FAM153A: variants seen among roughly 807,000 people sequenced by gnomAD.
FAM153A encodes the protein family with sequence similarity 153 member A, also known as protein FAM153A.
FAM153A carries 12 observed loss-of-function variants against 48.1 expected under a neutral mutation model. That is an observed-to-expected ratio of 0.25 (90% CI 0.16 to 0.40). The LOEUF is 0.40. Ranked by LOEUF, FAM153A falls within the 10% of genes least tolerant of loss-of-function variation. FAM153A has a pLI of 1.00. For synonymous variants in FAM153A, 36 were observed against 118.2 expected (o/e 0.30, Z 4.51); for missense variants, 111 against 345.8 (o/e 0.32, Z 5.38).
At chr5:177,711,027 G>A (rs1044576741), downstream of FAM153A, 25 of 151,808 alleles carry the variant, frequency 1.6e-4, no homozygotes, top group Non-Finnish European at 2.8e-4. Flanking sequence ...TCTGAGAAAA[G>A]AAAAAGTTCT....
chr5:177,760,780 GGCAGGCT>G (rs1320283578), intron 1 of FAM153A, among the ~76,000 whole-genome samples: 1 of 91,836 alleles, frequency 1.1e-5, no homozygotes, highest in Non-Finnish European at 2.1e-5. Context: ...GGCAGAAGCT[GGCAGGCT>G]ACAGAAGAGG....
Position 177,716,964 on chromosome 5 carries a change from AGTGTGTGTGTGTGTGT to A in FAM153A, c.*1151+183_*1151+198del, listed in dbSNP as rs59312087. ...CAGTAGCATGCCACCATTCCCGCTT[AGTGTGTGTGTGTGTGT>A]GTGTGTGTGTGTGTGTGTGTAGAGT... On this transcript the variant is annotated intron_variant and NMD_transcript_variant, in intron 24 of 26. Coordinates refer to the FAM153A transcript ENST00000360669. Among the ~76,000 whole-genome samples, 215 of 127,734 alleles carry A rather than the reference AGTGTGTGTGTGTGTGT, an allele frequency of 1.7e-3. 5 individuals are homozygous for A. The highest frequency in any genetic ancestry group is 6.4e-3 in the African/African-American group (210 of 32,840). 83.8% of individuals were successfully genotyped at this position (127,734 alleles called of 152,430 possible).
At chr5:177,698,501 G>T in the FAM153A span, among the ~76,000 whole-genome samples, 1 of 151,782 alleles carries the variant, frequency 6.6e-6, no homozygotes, top group Non-Finnish European at 1.5e-5. Flanking sequence ...GCCTGCTTCA[G>T]ACTTGCTTAT....
Position 177,739,494 on chromosome 5 carries a change from T to A in FAM153A, c.537+106A>T, listed in dbSNP as rs571756205. ...TCCCACCAAGAAATTCTGTAAGTCATCTAAAATGTACATGGCAGTAAGATT... is the reference window on the plus strand; with the variant it reads ...TCCCACCAAGAAATTCTGTAAGTCAACTAAAATGTACATGGCAGTAAGATT... On this transcript the variant is annotated intron_variant, in intron 9 of 20. Coordinates refer to ENST00000614127, the Ensembl canonical transcript of FAM153A. 7 of 1,154,804 alleles carry A rather than the reference T, an allele frequency of 6.1e-6. 3 individuals carry two copies. In the African/African-American group the frequency reaches 1.1e-4, roughly 18 times the overall value. 71.5% of individuals were successfully genotyped at this position (1,154,804 alleles called of 1,614,324 possible).
chr5:177,707,145 G>A (rs1757948495), downstream of FAM153A, among the ~76,000 whole-genome samples: 2 of 151,830 alleles, frequency 1.3e-5, no homozygotes, highest in Admixed American at 6.6e-5. Context: ...AGGCAGAAAA[G>A]TAACAAAGAC....
At chr5:177,716,853 C>T (rs965107982) in intron 24 of FAM153A, among the ~76,000 whole-genome samples, 3 of 151,682 alleles carry the variant, frequency 2.0e-5, no homozygotes, top group Non-Finnish European at 2.9e-5. Flanking sequence ...GGCTGGAGTA[C>T]AGTGGCACAA....
intron 14 of FAM153A, among the ~76,000 whole-genome samples, 191 bp downstream of exon 16, chr5:177,734,189 C>T (rs1414936326): frequency 8.7e-6 from 1 of 115,288 alleles, no homozygotes; most frequent in Non-Finnish European, 1.9e-5. Context: ...AACACAGCTG[C>T]TCCCGGGGAC....
At chr5:177,716,050 C>G (rs957346967) in intron 25 of FAM153A, among the ~76,000 whole-genome samples, 4 of 149,068 alleles carry the variant, frequency 2.7e-5, no homozygotes, top group African/African-American at 1.0e-4. Context: ...GTGGCGCAAT[C>G]TTAGCTCACT....
Position 177,769,463 on chromosome 5 carries a change from T to C in FAM153A, c.-57+10986A>G, listed in dbSNP as rs1368183392. Among the ~76,000 whole-genome samples the C allele has an allele frequency of 2.1e-5, 2 of 96,254 alleles. 1 individual carries two copies. The highest frequency in any genetic ancestry group is 0.01 in the Middle Eastern group (2 of 196). The allele number at this position is 96,254 out of a possible 152,430, so 63.1% of individuals were successfully genotyped here. Reference sequence around the variant, plus strand: ...GGGTGTCTTAGAACGTTATCTCCCATAGTTAATGGGGAACTACTGCACTTA... The same window carrying C: ...GGGTGTCTTAGAACGTTATCTCCCACAGTTAATGGGGAACTACTGCACTTA... On this transcript the variant is annotated intron_variant, in intron 1 of 8. Transcript: ENST00000393518.
At chr5:177,707,079 C>CA (rs1757944423), downstream of FAM153A, among the ~76,000 whole-genome samples, 1 of 151,914 alleles carries the variant, frequency 6.6e-6, no homozygotes, top group Non-Finnish European at 1.5e-5. Flanking sequence ...CAGACAGAGA[C>CA]AGACAATAAT....
downstream of FAM153A, among the ~76,000 whole-genome samples, chr5:177,705,140 C>A (rs1757763664): frequency 6.7e-6 from 1 of 149,602 alleles, no homozygotes; most frequent in Non-Finnish European, 1.5e-5. Context: ...CCTGTCTCTA[C>A]TAAAAATACA....
chr5:177,755,244 A>G (rs532469660), upstream of FAM153A, among the ~76,000 whole-genome samples: 358 of 151,904 alleles, frequency 2.4e-3, 9 homozygotes, highest in African/African-American at 8.3e-3. Context: ...AGTGATGGAA[A>G]ATCAAATGAA....
Position 177,715,682 on chromosome 5 carries a change from T to C in FAM153A, c.*1222+663A>G, listed in dbSNP as rs1301029150. Among the ~76,000 whole-genome samples, 4 of 151,942 alleles carry C rather than the reference T, an allele frequency of 2.6e-5. No individual in the cohort carries two copies. In the East Asian group the frequency reaches 7.7e-4, roughly 29 times the overall value. ...GGAGCCTCCTATAAATGTGGTCATC[T>C]TATGGATTAAACACTTTTTTTGTTA... On this transcript the variant is annotated intron_variant and NMD_transcript_variant, in intron 25 of 26. Coordinates refer to the FAM153A transcript ENST00000360669.
downstream of FAM153A, among the ~76,000 whole-genome samples, chr5:177,705,662 T>TC (rs1395291302): frequency 3.1e-5 from 4 of 127,458 alleles, no homozygotes; most frequent in African/African-American, 6.3e-5. Flanking sequence ...CTTTTTCTTT[T>TC]TTTTTTTTTT....
At chr5:177,709,863 A>G (rs1224643750), downstream of FAM153A, among the ~76,000 whole-genome samples, 2 of 119,088 alleles carry the variant, frequency 1.7e-5, no homozygotes, top group Admixed American at 1.8e-4. Context: ...GGTTTTCGCC[A>G]TGTTCGGCAG....
chr5:177,716,964 A>AGTGTGTGTGTGTGTGTGTGTGT lies in FAM153A; in HGVS notation c.*1151+177_*1151+198dup, dbSNP rs59312087. Among the ~76,000 whole-genome samples, 262 of 127,696 alleles carry AGTGTGTGTGTGTGTGTGTGTGT rather than the reference A, an allele frequency of 2.1e-3. 2 individuals are homozygous for AGTGTGTGTGTGTGTGTGTGTGT. Among genetic ancestry groups the AGTGTGTGTGTGTGTGTGTGTGT allele is most frequent in the East Asian group, 7.8e-3 (31 of 3,996 alleles). 83.8% of individuals were successfully genotyped at this position (127,696 alleles called of 152,430 possible). A position where few individuals can be genotyped will look rare whatever the true frequency, so the allele number is the denominator to read the frequency against. ...CAGTAGCATGCCACCATTCCCGCTT[A>AGTGTGTGTGTGTGTGTGTGTGT]GTGTGTGTGTGTGTGTGTGTGTGTG... On this transcript the variant is annotated intron_variant and NMD_transcript_variant, in intron 24 of 26. Coordinates refer to the FAM153A transcript ENST00000360669.
At chr5:177,708,898 T>G (rs1285974847), downstream of FAM153A, among the ~76,000 whole-genome samples, 2 of 151,076 alleles carry the variant, frequency 1.3e-5, no homozygotes, top group East Asian at 3.9e-4. Flanking sequence ...ATCGAGACCA[T>G]TCTGGCCAAC....
chr5:177,715,794 C>G (rs1410676611), intron 25 of FAM153A, among the ~76,000 whole-genome samples: 2 of 151,640 alleles, frequency 1.3e-5, no homozygotes, highest in Non-Finnish European at 2.9e-5. Context: ...ACCTCTAACT[C>G]CTAAGCTCAA....
intron 1 of FAM153A, among the ~76,000 whole-genome samples, chr5:177,759,770 C>T (rs1001338175): frequency 1.3e-5 from 2 of 150,830 alleles, no homozygotes; most frequent in African/African-American, 4.9e-5. Flanking sequence ...ACAATGAGAA[C>T]ACATGCACAC....
Sources: gnomAD v4.1 joint callset for allele counts (sites outside exome capture counted in the v4.1 genomes callset) on GRCh38, gnomAD v4.1.1 for gene constraint, MANE v1.5 for transcripts, NCBI Gene and HGNC (gene_info 2026-07-23, HGNC 2026-07-21) for gene names.